ZNF407: variants seen among roughly 807,000 people sequenced by gnomAD.
ZNF407 encodes the protein zinc finger protein 407.
A neutral mutation model predicts 131.2 loss-of-function variants in ZNF407; 17 were observed. The ratio of observed to expected loss-of-function variants is 0.13; its 90% confidence interval spans 0.09 to 0.19. The LOEUF (loss-of-function observed/expected upper bound fraction) is 0.19. Ranked by LOEUF, ZNF407 falls within the 10% of genes least tolerant of loss-of-function variation. The pLI is 1.00. For missense variants in ZNF407, 2,681 were observed against 2,830.6 expected, an observed-to-expected ratio of 0.95 and a Z score of 1.20; for synonymous variants, 1,156 against 1,062.0, an observed-to-expected ratio of 1.09 and a Z score of -1.72.
At chr18:74,800,304 T>C (rs1226162091) in intron 4 of ZNF407, among the ~76,000 whole-genome samples, 9 of 152,118 alleles carry the variant, frequency 5.9e-5, no homozygotes, top group Non-Finnish European at 1.0e-4. Flanking sequence ...TTTTGTGCAT[T>C]CCCCTGCTTT....
At chr18:74,724,776 T>C (rs1351340859) in intron 3 of ZNF407, among the ~76,000 whole-genome samples, 2 of 152,212 alleles carry the variant, frequency 1.3e-5, no homozygotes, top group African/African-American at 2.4e-5. Flanking sequence ...TTTTTGCCTT[T>C]ATATATGACC....
intron 1 of ZNF407, among the ~76,000 whole-genome samples, chr18:74,603,440 A>C (rs1982668491): frequency 6.6e-6 from 1 of 152,228 alleles, no homozygotes; most frequent in South Asian, 2.1e-4. Flanking sequence ...TGAGTTTGAA[A>C]GTGCCCATTC....
intron 3 of ZNF407, among the ~76,000 whole-genome samples, chr18:74,707,202 C>T (rs1197707024): frequency 2.6e-5 from 4 of 152,124 alleles, no homozygotes; most frequent in African/African-American, 4.8e-5. Flanking sequence ...CCGCCCACGT[C>T]GGCATCTGAA....
At chr18:75,021,353 C>T (rs750046670) in intron 8 of ZNF407, among the ~76,000 whole-genome samples, 7 of 151,998 alleles carry the variant, frequency 4.6e-5, no homozygotes, top group Non-Finnish European at 1.0e-4. Flanking sequence ...ATTGCAGCCT[C>T]AAATTCCTTG....
chr18:75,012,623 G>A (rs146583841), intron 8 of ZNF407, among the ~76,000 whole-genome samples: 13 of 151,476 alleles, frequency 8.6e-5, no homozygotes, highest in East Asian at 3.9e-4. Context: ...TTCTGCCCCC[G>A]TAATTCAACC....
chr18:74,633,815 A>G lies in ZNF407; in HGVS notation c.2796A>G (p.Lys932=). The G allele has an allele frequency of 6.2e-7, 1 of 1,613,954 alleles. No individual in the cohort carries two copies. The highest frequency in any genetic ancestry group is 1.1e-5 in the South Asian group (1 of 91,080). ...GPEGGSLEAG[K]KNAGSAVTMS... is the part of the protein sequence containing the mutation. ...AAGGGGGTAGCCTTGAAGCTGGTAA[A>G]AAGAATGCTGGCTCAGCAGTGACCA... is the stretch of plus-strand genomic sequence containing the variant. The change falls in exon 2 of 9, where the codon AAA becomes AAG. Residue 932 remains lysine (K), a synonymous_variant. Transcript: ENST00000299687.
intron 8 of ZNF407, among the ~76,000 whole-genome samples, chr18:74,934,551 A>G (rs146119645): frequency 6.6e-6 from 1 of 152,324 alleles, no homozygotes; most frequent in African/African-American, 2.4e-5. Context: ...GCTCACGCCT[A>G]TAATCCTAGC....
intron 3 of ZNF407, among the ~76,000 whole-genome samples, chr18:74,641,718 A>G (rs17055291): frequency 0.016 from 2,446 of 152,298 alleles, 70 homozygotes; most frequent in African/African-American, 0.056. Flanking sequence ...CTGTTATTCA[A>G]ATGTGTTGCA....
chr18:75,024,418 C>T (rs1452929660), intron 8 of ZNF407, among the ~76,000 whole-genome samples: 1 of 152,194 alleles, frequency 6.6e-6, no homozygotes, highest in Non-Finnish European at 1.5e-5. Flanking sequence ...ATTTCTCTCT[C>T]TGTTAAGACA....
At chr18:74,970,648 G>A (rs1052874378) in intron 8 of ZNF407, among the ~76,000 whole-genome samples, 1 of 152,204 alleles carries the variant, frequency 6.6e-6, no homozygotes, top group African/African-American at 2.4e-5. Flanking sequence ...GGGCAGCTCT[G>A]CCCCTGCCAC....
chr18:74,703,016 A>G lies in ZNF407; in HGVS notation c.4802+61894A>G, dbSNP rs1967536700. On this transcript the variant is annotated intron_variant, in intron 3 of 8. Transcript: ENST00000299687. This position sits in a 1 kb window ranked among gnomAD's most constrained non-coding sequence, Gnocchi z 4.1. ...TCAGACCCTGATGGTATAGGTTTCC[A>G]TAGAATTTGGGGCTCTTCTTCCAGG... 6.6e-6 allele frequency among the ~76,000 whole-genome samples: 1 copy of G among 152,228 alleles called. No homozygotes were observed. The highest frequency in any genetic ancestry group is 1.5e-5 in the Non-Finnish European group (1 of 68,036).
At chr18:74,819,086 C>T (rs1195758957) in intron 4 of ZNF407, among the ~76,000 whole-genome samples, 2 of 152,170 alleles carry the variant, frequency 1.3e-5, no homozygotes, top group Admixed American at 1.3e-4. Flanking sequence ...TGAAGTCCCC[C>T]AGCCGCCTTG....
At chr18:74,858,527 T>C (rs1970892100) in intron 4 of ZNF407, among the ~76,000 whole-genome samples, 1 of 152,174 alleles carries the variant, frequency 6.6e-6, no homozygotes, top group Non-Finnish European at 1.5e-5. Context: ...TAAGTTGATA[T>C]AATCTTTGAG....
intron 5 of ZNF407, among the ~76,000 whole-genome samples, chr18:74,879,790 CTCTT>C (rs909275708): frequency 1.8e-4 from 28 of 152,228 alleles, no homozygotes; most frequent in Admixed American, 1.0e-3. Flanking sequence ...GGTTAAAACT[CTCTT>C]TAAGTATATG....
chr18:74,767,820 AT>A (rs10692267), intron 3 of ZNF407, among the ~76,000 whole-genome samples: 20,866 of 113,914 alleles, frequency 0.18, 1,599 homozygotes, highest in Non-Finnish European at 0.2. Context: ...CGCCTGGCTA[AT>A]TTTTTTTTTT....
chr18:74,824,624 A>T (rs1171644768), intron 4 of ZNF407, among the ~76,000 whole-genome samples: 2 of 152,222 alleles, frequency 1.3e-5, no homozygotes, highest in East Asian at 3.8e-4. Context: ...AGAAATGGAT[A>T]AATTGCTGGA....
At chr18:75,021,258 A>G (rs1973106328) in intron 8 of ZNF407, among the ~76,000 whole-genome samples, 1 of 149,764 alleles carries the variant, frequency 6.7e-6, no homozygotes, top group Non-Finnish European at 1.5e-5. Context: ...ATAATACATT[A>G]TACATTCTTT....
chr18:74,854,159 G>A (rs772668195), intron 4 of ZNF407, among the ~76,000 whole-genome samples: 11 of 152,158 alleles, frequency 7.2e-5, no homozygotes, highest in Non-Finnish European at 1.3e-4. Flanking sequence ...AGGTGATACG[G>A]GAGGCAGTGT....
chr18:74,969,144 GA>G (rs1294999421), intron 8 of ZNF407, among the ~76,000 whole-genome samples: 1 of 152,194 alleles, frequency 6.6e-6, no homozygotes, highest in Non-Finnish European at 1.5e-5. Context: ...CATTTGCTGA[GA>G]TTGACAAGTT....
Sources: allele counts gnomAD v4.1 joint callset (sites outside exome capture counted in the v4.1 genomes callset), GRCh38; gene constraint gnomAD v4.1.1; non-coding constraint Gnocchi (gnomAD v3.1); transcripts MANE v1.5; gene names NCBI Gene and HGNC (gene_info 2026-07-23, HGNC 2026-07-21).